Variants in BICDL1 observed in about 807,000 individuals in gnomAD.
BICDL1 encodes BICD family-like cargo adapter 1.
A neutral mutation model predicts 76.8 loss-of-function variants in BICDL1; 20 were observed. That is an observed-to-expected ratio of 0.26 (90% CI 0.18 to 0.38). The LOEUF is 0.38. Ranked by LOEUF, BICDL1 falls within the 10% of genes least tolerant of loss-of-function variation. BICDL1 has a pLI of 1.00. For missense variants in BICDL1, 700 were observed against 798.6 expected, an observed-to-expected ratio of 0.88 and a Z score of 1.49; for synonymous variants, 383 against 337.1, an observed-to-expected ratio of 1.14 and a Z score of -1.49.
intron 2 of BICDL1, among the ~76,000 whole-genome samples, chr12:120,054,551 A>G (rs1157214842): frequency 6.6e-6 from 1 of 152,182 alleles, no homozygotes; most frequent in Non-Finnish European, 1.5e-5. Context: ...GGTAAAGGAA[A>G]TACTTGATGG....
chr12:120,064,343 G>A (rs1953172443), intron 3 of BICDL1, among the ~76,000 whole-genome samples: 2 of 152,162 alleles, frequency 1.3e-5, no homozygotes, highest in Non-Finnish European at 2.9e-5. Flanking sequence ...CATGACTTGA[G>A]GAGGAGAAGT....
intron 2 of BICDL1, among the ~76,000 whole-genome samples, chr12:120,011,406 A>G (rs1951950253): frequency 6.6e-6 from 1 of 152,230 alleles, no homozygotes; most frequent in South Asian, 2.1e-4. Flanking sequence ...TCAGTTTTCT[A>G]AAGAGATTAG....
At chr12:120,019,909 A>G (rs1316762033) in intron 2 of BICDL1, among the ~76,000 whole-genome samples, 2 of 152,218 alleles carry the variant, frequency 1.3e-5, no homozygotes, top group East Asian at 3.8e-4. Context: ...AAGCAAGGGA[A>G]TGGGTTTGAG....
intron 2 of BICDL1, among the ~76,000 whole-genome samples, chr12:120,041,517 T>C (rs757957858): frequency 6.6e-6 from 1 of 152,128 alleles, no homozygotes; most frequent in Non-Finnish European, 1.5e-5. Flanking sequence ...TTTTGAAACT[T>C]ACATCAAGGG....
Position 120,047,682 on chromosome 12 carries a change from T to A in BICDL1, c.646-14028T>A, listed in dbSNP as rs574456544. Among the ~76,000 whole-genome samples the A allele has an allele frequency of 4.8e-4, 73 of 152,330 alleles. 3 individuals are homozygous for A. The South Asian group carries it at 0.014, about 30-fold the overall frequency. ...CATAACTTGAAAGGTAGTTTTTTTT[T>A]AATCACCATCTTTCAGATGAGGAAA... On this transcript the variant is annotated intron_variant, in intron 2 of 9. Transcript: ENST00000548673.
intron 4 of BICDL1, among the ~76,000 whole-genome samples, chr12:120,067,339 C>G (rs1267187189): frequency 6.6e-6 from 1 of 152,242 alleles, no homozygotes; most frequent in Non-Finnish European, 1.5e-5. Flanking sequence ...CTAGACCTTG[C>G]TCTAATGCTG....
chr12:120,073,613 C>T (rs780794924), intron 6 of BICDL1, among the ~76,000 whole-genome samples: 10 of 152,176 alleles, frequency 6.6e-5, no homozygotes, highest in Admixed American at 1.3e-4. Flanking sequence ...CATTTCTCCC[C>T]GACTTACCCT....
In BICDL1 at chr12:120,074,462, A is replaced by G; in HGVS notation, c.1328A>G (p.Asp443Gly). The G allele has an allele frequency of 8.1e-7, 1 of 1,234,306 alleles. No individual in the cohort carries two copies. 76.5% of individuals were successfully genotyped at this position (1,234,306 alleles called of 1,614,324 possible). A position where few individuals can be genotyped will look rare whatever the true frequency, so the allele number is the denominator to read the frequency against. Reference sequence around the variant, plus strand: ...TGTCAGGGCTCCCGGAGACTTGATGATGACTCCTTAGAAGAACAGATAAGG... The same window carrying G: ...TGTCAGGGCTCCCGGAGACTTGATGGTGACTCCTTAGAAGAACAGATAAGG... ...MEPTGSRRLD[D>G]DSLEEQIRQT... is the part of the protein sequence containing the mutation. The change falls in exon 7 of 10, where the codon GAT becomes GGT. Residue 443 changes from aspartate (D) to glycine (G), a missense_variant. Physicochemically the swap from Asp to Gly is moderately conservative, Grantham distance 94. This residue lies in a region of BICDL1 where 455 missense variants were observed against 548.7 expected (regional missense o/e 0.83). Transcript: ENST00000548673.
chr12:120,087,522 G>A (rs1320697401), intron 8 of BICDL1, among the ~76,000 whole-genome samples: 1 of 152,226 alleles, frequency 6.6e-6, no homozygotes, highest in East Asian at 1.9e-4. Context: ...CGAGCTAGGC[G>A]GCCTCTGCAG....
At chr12:120,014,118 C>T (rs1049882889) in intron 2 of BICDL1, among the ~76,000 whole-genome samples, 1 of 152,154 alleles carries the variant, frequency 6.6e-6, no homozygotes, top group African/African-American at 2.4e-5. Context: ...AAAATCTTTG[C>T]AAAGTAATTC....
chr12:120,092,383 G>T, intron 9 of BICDL1: 2 of 985,500 alleles, frequency 2.0e-6, no homozygotes, highest in Non-Finnish European at 2.4e-6. Flanking sequence ...AGCCCCTGAA[G>T]ACCGTGAGGC....
intron 2 of BICDL1, among the ~76,000 whole-genome samples, chr12:120,023,294 C>T (rs553440985): frequency 6.6e-6 from 1 of 152,262 alleles, no homozygotes; most frequent in African/African-American, 2.4e-5. Context: ...GCCTGTGGGC[C>T]ATGGGTTGGA....
intron 2 of BICDL1, among the ~76,000 whole-genome samples, chr12:120,038,874 G>T (rs1952576920): frequency 6.6e-6 from 1 of 152,132 alleles, no homozygotes; most frequent in South Asian, 2.1e-4. Flanking sequence ...ACACCAATTG[G>T]CACGGGTGCC....
chr12:120,062,802 T>C (rs1016449075), intron 3 of BICDL1, among the ~76,000 whole-genome samples: 3 of 152,190 alleles, frequency 2.0e-5, no homozygotes, highest in Non-Finnish European at 2.9e-5. Flanking sequence ...GGCATGCCTG[T>C]GTGTGACCAT....
chr12:120,041,450 A>G (rs1054149983), intron 2 of BICDL1, among the ~76,000 whole-genome samples: 5 of 152,182 alleles, frequency 3.3e-5, no homozygotes, highest in Non-Finnish European at 5.9e-5. Context: ...TTTGTCTGCT[A>G]TGTGCCTGGC....
intron 2 of BICDL1, among the ~76,000 whole-genome samples, chr12:120,012,959 C>T (rs990357852): frequency 2.0e-5 from 3 of 152,178 alleles, no homozygotes; most frequent in African/African-American, 7.2e-5. Flanking sequence ...TTTACATTGC[C>T]TTCAGTGGTA....
At chr12:120,082,043 A>C (rs1036265878) in intron 8 of BICDL1, among the ~76,000 whole-genome samples, 1 of 152,188 alleles carries the variant, frequency 6.6e-6, no homozygotes, top group African/African-American at 2.4e-5. Flanking sequence ...TCTTTTGATA[A>C]CTGATTTAGA....
chr12:119,993,187 G>GCTCCTGACCTCGTGATC (rs1279681187), intron 1 of BICDL1: 3 of 151,196 alleles, frequency 2.0e-5, no homozygotes, highest in Non-Finnish European at 4.4e-5. Context: ...ATGTTCTCGA[G>GCTCCTGACCTCGTGATC]CTCCTGACCT....
At chr12:120,025,527 C>G (rs1952280983) in intron 2 of BICDL1, among the ~76,000 whole-genome samples, 1 of 152,154 alleles carries the variant, frequency 6.6e-6, no homozygotes, top group Non-Finnish European at 1.5e-5. Context: ...CTCGCTCAAC[C>G]TGTCCTGCGT....
Sources: allele counts gnomAD v4.1 joint callset (sites outside exome capture counted in the v4.1 genomes callset), GRCh38; gene constraint gnomAD v4.1.1; regional missense constraint gnomAD v4.1.1; transcripts MANE v1.5; gene names NCBI Gene and HGNC (gene_info 2026-07-23, HGNC 2026-07-21).